The following AKAP8 variants were observed in gnomAD, a reference collection of about 807,000 sequenced individuals.
AKAP8 encodes A-kinase anchoring protein 8.
AKAP8 carries 24 observed loss-of-function variants against 67.5 expected under a neutral mutation model. The observed-to-expected ratio is 0.36, with a 90% CI of 0.26 to 0.50. The LOEUF (loss-of-function observed/expected upper bound fraction) is 0.50, where lower values mean the gene tolerates loss of function less well. Ranked by LOEUF, AKAP8 falls within the 20% of genes least tolerant of loss-of-function variation. The probability of loss-of-function intolerance (pLI) is 0.97; values close to 1 mark genes in which losing one functional copy is unlikely to be tolerated. For missense variants in AKAP8, 971 were observed against 955.9 expected, an observed-to-expected ratio of 1.02 and a Z score of -0.21; for synonymous variants, 400 against 371.1, an observed-to-expected ratio of 1.08 and a Z score of -0.90.
At chr19:15,368,194 G>A (rs376010217) in intron 9 of AKAP8, 41 bp downstream of exon 9, 130 of 1,606,176 alleles carry the variant, frequency 8.1e-5, no homozygotes, top group Non-Finnish European at 1.0e-4. Context: ...TCCACCGCAC[G>A]AGTCCACCTC....
chr19:15,375,699 C>T (rs1271691120), intron 2 of AKAP8, among the ~76,000 whole-genome samples: 4 of 149,692 alleles, frequency 2.7e-5, no homozygotes, highest in Admixed American at 2.0e-4. Flanking sequence ...TGCAGTGGCG[C>T]GATCTCGGCT....
Position 15,362,264 on chromosome 19 carries a change from A to G in AKAP8, c.1161-13T>C. 1.2e-6 allele frequency: 2 copies of G among 1,613,922 alleles called. No individual in the cohort carries two copies. The highest frequency in any genetic ancestry group is 1.7e-6 in the Non-Finnish European group (2 of 1,179,908). On this transcript the variant is annotated splice_polypyrimidine_tract_variant and intron_variant, in intron 9 of 13. Coordinates refer to ENST00000269701, the MANE Select transcript of AKAP8 (RefSeq NM_005858.4). ...GGCAAACTGAATTCTGTAGAAGGAA[A>G]ACAAGGAGGGGAGTGAAGCAGGGAG...
At position 15,360,890 on chromosome 19, in the gene AKAP8, G is replaced by A. The variant is rs775187551; in HGVS notation, c.1485C>T (p.Leu495=). The A allele has an allele frequency of 6.8e-6, 11 of 1,613,720 alleles. No individual in the cohort carries two copies. The highest frequency in any genetic ancestry group is 9.3e-6 in the Non-Finnish European group (11 of 1,179,902). ...GGTCCACGGAGTGCAGGTGCCGCTG[G>A]AGGAGCTGCGGCTGTGCAGGAATTA... The part of the protein sequence containing the change: ...DMLIPAQPQL[L]QRHLHSVDHN... Residue 495 remains leucine, a synonymous_variant, in exon 12 of 14, where the codon CTC becomes CTT. Coordinates refer to ENST00000269701, the MANE Select transcript of AKAP8 (RefSeq NM_005858.4).
chr19:15,376,731 A>G (rs1418559583), intron 2 of AKAP8, among the ~76,000 whole-genome samples: 3 of 152,222 alleles, frequency 2.0e-5, no homozygotes, highest in Admixed American at 2.0e-4. Flanking sequence ...GGAACTTCAA[A>G]TTGTATTGTC....
intron 9 of AKAP8, 55 bp from the exon 10 acceptor site, chr19:15,362,306 A>AG: frequency 2.5e-6 from 4 of 1,597,540 alleles, no homozygotes; most frequent in Non-Finnish European, 3.4e-6. Flanking sequence ...CGAGTGAAGC[A>AG]GGGGGCATCA....
At chr19:15,356,539 G>A (rs1250501686) in intron 13 of AKAP8, among the ~76,000 whole-genome samples, 1 of 151,960 alleles carries the variant, frequency 6.6e-6, no homozygotes, top group Admixed American at 6.6e-5. Context: ...TGGGGCTGGA[G>A]GACTGCCGGA....
At chr19:15,372,398 G>GC (rs781631916) in intron 5 of AKAP8, 51 bp from the exon 6 acceptor site, 1 of 1,599,286 alleles carries the variant, frequency 6.3e-7, no homozygotes, top group Admixed American at 1.7e-5. Context: ...CCATGAAGAT[G>GC]CCCCACAGAA....
chr19:15,363,271 TG>T (rs1967006018), intron 9 of AKAP8, among the ~76,000 whole-genome samples: 2 of 120,406 alleles, frequency 1.7e-5, no homozygotes, highest in African/African-American at 6.7e-5. Flanking sequence ...GTCTGGGAGG[TG>T]AGGGGCGCCT....
chr19:15,363,177 G>A (rs2145067866), intron 9 of AKAP8, among the ~76,000 whole-genome samples: 1 of 151,498 alleles, frequency 6.6e-6, no homozygotes, highest in Admixed American at 6.6e-5. Flanking sequence ...ACCCCGTCTG[G>A]GAAGTGAGGA....
rs190338587 is a variant in AKAP8, at chr19:15,376,140, G to A, written c.58+836C>T. ...AAAGGATCACTTGAGCTCGGGTCTC[G>A]AACTCCCAGGCTCAAGTGAGCCTCT... On this transcript the variant is annotated intron_variant, in intron 2 of 13. Transcript: ENST00000269701. Among the ~76,000 whole-genome samples, 432 of 151,898 alleles carry A rather than the reference G, an allele frequency of 2.8e-3. 4 individuals are homozygous for A. Among genetic ancestry groups the A allele is most frequent in the African/African-American group, 9.4e-3 (391 of 41,414 alleles).
chr19:15,365,129 C>T (rs566577823), intron 9 of AKAP8, among the ~76,000 whole-genome samples: 6 of 152,222 alleles, frequency 3.9e-5, no homozygotes, highest in South Asian at 2.1e-4. Flanking sequence ...GAACTGGGGA[C>T]GCCCTAGGCT....
intron 9 of AKAP8, among the ~76,000 whole-genome samples, chr19:15,364,192 G>C (rs1348148667): frequency 3.3e-5 from 2 of 59,926 alleles, no homozygotes; most frequent in Admixed American, 2.6e-4. Flanking sequence ...ATGGAGTTTT[G>C]CTCTTGTTGC....
Position 15,355,103 on chromosome 19 carries a change from A to G in AKAP8, c.1891T>C (p.Cys631Arg), listed in dbSNP as rs1568422044. The G allele has an allele frequency of 2.5e-6, 4 of 1,613,824 alleles. No individual in the cohort carries two copies. Among genetic ancestry groups the G allele is most frequent in the Non-Finnish European group, 3.4e-6 (4 of 1,180,038 alleles). ...ACGCCCTTCTCATGTGCCGTTCCAC[A>G]GGGCACCTGCTCTTCCAGCAGCTGT... ...AEQLLEEQVP[C>R]GTAHEKGVPK... The change falls in exon 14 of 14, where the codon TGT becomes CGT. Residue 631 changes from cysteine to arginine, a missense_variant. Transcript: ENST00000269701.
chr19:15,377,873 C>A (rs1434720885), intron 1 of AKAP8, among the ~76,000 whole-genome samples: 1 of 152,180 alleles, frequency 6.6e-6, no homozygotes, highest in Admixed American at 6.5e-5. Context: ...CTCCACACCC[C>A]CCGCCCACTA....
At position 15,361,784 on chromosome 19, in the gene AKAP8, C is replaced by T; in HGVS notation, c.1341G>A (p.Arg447=). The T allele has an allele frequency of 6.2e-7, 1 of 1,614,160 alleles. No homozygotes were observed. The highest frequency in any genetic ancestry group is 8.5e-7 in the Non-Finnish European group (1 of 1,179,984). The part of the protein sequence containing the change: ...IVNRNKKIEK[R]RQELMEKETA... ...TTTCTTTCTCCATCAATTCCTGACGCCGCTTCTCAATTTTCTTATTTCTGT... is the reference window on the plus strand; with the variant it reads ...TTTCTTTCTCCATCAATTCCTGACGTCGCTTCTCAATTTTCTTATTTCTGT... Residue 447 remains arginine, a synonymous_variant, in exon 11 of 14, where the codon CGG becomes CGA. Transcript: ENST00000269701.
At chr19:15,366,888 C>A (rs1041560562) in intron 9 of AKAP8, among the ~76,000 whole-genome samples, 3 of 151,134 alleles carry the variant, frequency 2.0e-5, no homozygotes, top group Admixed American at 1.3e-4. Flanking sequence ...GGATTACAGG[C>A]GTGAGCCACT....
Position 15,372,891 on chromosome 19 carries a change from C to T in AKAP8, c.821G>A (p.Gly274Glu), listed in dbSNP as rs1350511945. 1.2e-5 allele frequency: 18 copies of T among 1,511,160 alleles called. No individual in the cohort carries two copies. The highest frequency in any genetic ancestry group is 1.4e-5 in the Non-Finnish European group (16 of 1,130,508). The allele number at this position is 1,511,160 out of a possible 1,614,324, so 93.6% of individuals were successfully genotyped here. The change falls in exon 5 of 14, where the codon GGA becomes GAA. Residue 274 changes from glycine (G) to glutamate (E), a missense_variant. Gly to Glu is a moderately conservative substitution (Grantham distance 98, BLOSUM62 -2). Coordinates refer to ENST00000269701, the MANE Select transcript of AKAP8 (RefSeq NM_005858.4). ...CATCCGAGGCTGCGAGCGGCCACAT[C>T]CGTAGGGCATGGTGCTGTCATAGCC... The part of the protein sequence containing the change: ...AGGYDSTMPY[G>E]CGRSQPRMRD...
intron 9 of AKAP8, among the ~76,000 whole-genome samples, chr19:15,363,200 G>A (rs1477739898): frequency 1.6e-4 from 24 of 151,176 alleles, no homozygotes; most frequent in African/African-American, 5.1e-4. Flanking sequence ...GTCTCCGCCC[G>A]GCAGCCACCT....
At position 15,369,890 on chromosome 19, in the gene AKAP8, G is replaced by C. The variant is rs1967126202; in HGVS notation, c.1072+256C>G. 6.6e-6 allele frequency among the ~76,000 whole-genome samples: 1 copy of C among 152,230 alleles called. No homozygotes were observed. The highest frequency in any genetic ancestry group is 6.5e-5 in the Admixed American group (1 of 15,290). ...AACTTCGACTGTGGTGGACACCCAA[G>C]GCTGCCCCCCATCCCCACTGCAGCC... On this transcript the variant is annotated intron_variant, in intron 8 of 13. Coordinates refer to ENST00000269701, the MANE Select transcript of AKAP8 (RefSeq NM_005858.4). The surrounding 1 kb of genome is among the most constrained non-coding windows in gnomAD (Gnocchi z 4.6).
Sources: gnomAD v4.1 joint callset for allele counts (sites outside exome capture counted in the v4.1 genomes callset) on GRCh38, gnomAD v4.1.1 for gene constraint, Gnocchi (gnomAD v3.1) non-coding constraint, MANE v1.5 for transcripts, NCBI Gene and HGNC (gene_info 2026-07-23, HGNC 2026-07-21) for gene names.